ASCC3: variants seen among roughly 807,000 people sequenced by gnomAD.
The protein encoded by ASCC3 is activating signal cointegrator 1 complex subunit 3.
Under a neutral mutation model 256.3 loss-of-function variants are expected in ASCC3, and 158 were observed. The ratio of observed to expected loss-of-function variants is 0.62; its 90% confidence interval spans 0.54 to 0.70. The LOEUF is 0.70. Ranked by LOEUF, ASCC3 falls within the 30% of genes least tolerant of loss-of-function variation. The probability of loss-of-function intolerance (pLI) is 0.00; values close to 1 mark genes in which losing one functional copy is unlikely to be tolerated. For synonymous variants in ASCC3, 948 were observed against 883.4 expected (o/e 1.07, Z -1.30); for missense variants, 2,259 against 2,626.0 (o/e 0.86, Z 3.05).
intron 27 of ASCC3, among the ~76,000 whole-genome samples, chr6:100,628,567 G>A (rs535223781): frequency 6.6e-6 from 1 of 152,110 alleles, no homozygotes; most frequent in East Asian, 1.9e-4. Flanking sequence ...TTAAAAGTGT[G>A]TAGCACCTCG....
chr6:100,715,186 A>G (rs1779032894), intron 13 of ASCC3: 1 of 273,582 alleles, frequency 3.7e-6, no homozygotes. Context: ...ATTTCAATTG[A>G]TATTGCTTCA....
intron 14 of ASCC3, among the ~76,000 whole-genome samples, chr6:100,672,546 T>C (rs147011334): frequency 6.6e-6 from 1 of 152,158 alleles, no homozygotes; most frequent in Non-Finnish European, 1.5e-5. Context: ...GACAGAAGGG[T>C]TGAAAGTTTT....
chr6:100,777,174 TA>T (rs1417847337), intron 8 of ASCC3, among the ~76,000 whole-genome samples: 1 of 152,182 alleles, frequency 6.6e-6, no homozygotes, highest in African/African-American at 2.4e-5. Context: ...GATTTTCTTT[TA>T]GATAACTGGA....
At chr6:100,701,075 C>T (rs1778332080) in intron 13 of ASCC3, among the ~76,000 whole-genome samples, 1 of 152,128 alleles carries the variant, frequency 6.6e-6, no homozygotes, top group Non-Finnish European at 1.5e-5. Flanking sequence ...CCACAATTCC[C>T]ATGTTTCATG....
At chr6:100,677,664 T>C (rs1187656129) in intron 14 of ASCC3, among the ~76,000 whole-genome samples, 1 of 152,004 alleles carries the variant, frequency 6.6e-6, no homozygotes, top group African/African-American at 2.4e-5. Flanking sequence ...AATTCTGGGA[T>C]ACCTACTATC....
intron 4 of ASCC3, among the ~76,000 whole-genome samples, chr6:100,810,344 T>A (rs77263939): frequency 0.013 from 2,038 of 152,276 alleles, 20 homozygotes; most frequent in East Asian, 0.045. Context: ...CTATCTTTAC[T>A]ATGTTTTATG....
intron 4 of ASCC3, among the ~76,000 whole-genome samples, chr6:100,810,635 A>C (rs1331822361): frequency 6.6e-6 from 1 of 152,210 alleles, no homozygotes; most frequent in Non-Finnish European, 1.5e-5. Context: ...TATATACAAA[A>C]TCTCAAAACA....
chr6:100,656,119 TA>T (rs139137854), intron 16 of ASCC3, among the ~76,000 whole-genome samples: 2,290 of 151,822 alleles, frequency 0.015, 51 homozygotes, highest in African/African-American at 0.051. Context: ...GGACATTTGT[TA>T]TTTTTTTTTC....
intron 4 of ASCC3, among the ~76,000 whole-genome samples, chr6:100,818,163 A>C (rs1770845306): frequency 6.6e-6 from 1 of 152,212 alleles, no homozygotes. Flanking sequence ...GATCAGCTCA[A>C]CAGATGCAGA....
At chr6:100,553,708 T>C (rs1442239380) in intron 36 of ASCC3, among the ~76,000 whole-genome samples, 1 of 152,080 alleles carries the variant, frequency 6.6e-6, no homozygotes, top group South Asian at 2.1e-4. Flanking sequence ...AAGAAAAAAA[T>C]AGAATAAGGA....
At chr6:100,778,704 G>A (rs111747385) in intron 8 of ASCC3, among the ~76,000 whole-genome samples, 3 of 152,088 alleles carry the variant, frequency 2.0e-5, no homozygotes, top group African/African-American at 7.2e-5. Context: ...GAAAGGCTAC[G>A]TGACATACAA....
At chr6:100,650,432 G>T in intron 20 of ASCC3, 106 bp downstream of exon 20, 4 of 1,113,484 alleles carry the variant, frequency 3.6e-6, no homozygotes, top group Non-Finnish European at 5.4e-6. Flanking sequence ...ATGGTGGTTT[G>T]GTAGCATGTC....
At chr6:100,734,940 T>C (rs1033067219) in intron 10 of ASCC3, among the ~76,000 whole-genome samples, 1 of 152,192 alleles carries the variant, frequency 6.6e-6, no homozygotes, top group Non-Finnish European at 1.5e-5. Context: ...AACACATTGA[T>C]TGATACCAGA....
intron 4 of ASCC3, among the ~76,000 whole-genome samples, chr6:100,839,355 G>T (rs1470459215): frequency 3.3e-5 from 5 of 152,114 alleles, no homozygotes; most frequent in Non-Finnish European, 2.9e-5. Context: ...GTATCAAACA[G>T]AGTAGTATGA....
intron 34 of ASCC3, among the ~76,000 whole-genome samples, chr6:100,600,993 T>C (rs982842425): frequency 1.3e-5 from 2 of 152,110 alleles, no homozygotes; most frequent in African/African-American, 4.8e-5. Flanking sequence ...GACAATCTTG[T>C]CTCCCTTCTC....
chr6:100,621,672 C>A (rs891286491), intron 30 of ASCC3, among the ~76,000 whole-genome samples: 2 of 152,110 alleles, frequency 1.3e-5, no homozygotes, highest in Admixed American at 1.3e-4. Flanking sequence ...TTGTGGAAGA[C>A]CGTGTGGCAA....
intron 8 of ASCC3, among the ~76,000 whole-genome samples, chr6:100,779,525 A>G (rs569160256): frequency 1.3e-5 from 2 of 152,308 alleles, no homozygotes; most frequent in South Asian, 4.1e-4. Context: ...CTCTGAGGAT[A>G]AACCTAATTT....
At chr6:100,821,281 G>A (rs1416981872) in intron 4 of ASCC3, among the ~76,000 whole-genome samples, 3 of 152,096 alleles carry the variant, frequency 2.0e-5, no homozygotes, top group South Asian at 4.1e-4. Flanking sequence ...CTCGCAAAGC[G>A]CTGGGATTAT....
At chr6:100,729,256 G>A (rs986714539) in intron 10 of ASCC3, among the ~76,000 whole-genome samples, 2 of 152,118 alleles carry the variant, frequency 1.3e-5, no homozygotes, top group African/African-American at 4.8e-5. Context: ...AAGAGATAAG[G>A]AGGGAGAGAA....
Sources: allele counts gnomAD v4.1 joint callset (sites outside exome capture counted in the v4.1 genomes callset), GRCh38; gene constraint gnomAD v4.1.1; transcripts MANE v1.5; gene names NCBI Gene and HGNC (gene_info 2026-07-23, HGNC 2026-07-21).